AGAP1: variants seen among roughly 807,000 people sequenced by gnomAD.
AGAP1 encodes arf-GAP with GTPase, ANK repeat and PH domain-containing protein 1.
In AGAP1, 29 loss-of-function variants were observed where a neutral mutation model predicts 105.3. The ratio of observed to expected loss-of-function variants is 0.28; its 90% CI spans 0.21 to 0.38. AGAP1 has a LOEUF of 0.38. Among genes scored for constraint, AGAP1 ranks in the 10% least tolerant of loss-of-function variants. AGAP1 has a pLI of 1.00. For synonymous variants in AGAP1, 509 were observed against 485.9 expected, an observed-to-expected ratio of 1.05 and a Z score of -0.63; for missense variants, 998 against 1,165.1, an observed-to-expected ratio of 0.86 and a Z score of 2.09.
intron 16 of AGAP1, among the ~76,000 whole-genome samples, chr2:236,094,686 T>G (rs1443100396): frequency 6.6e-6 from 1 of 152,044 alleles, no homozygotes; most frequent in African/African-American, 2.4e-5. Flanking sequence ...CAAACGCAGA[T>G]GTTCATTTAT....
intron 6 of AGAP1, among the ~76,000 whole-genome samples, chr2:235,778,012 C>G (rs1575432466): frequency 6.6e-6 from 1 of 152,168 alleles, no homozygotes; most frequent in Non-Finnish European, 1.5e-5. Context: ...GATCTCATAT[C>G]TGTGTGTTTC....
chr2:235,768,428 A>C (rs373275721), intron 6 of AGAP1, among the ~76,000 whole-genome samples: 4 of 152,386 alleles, frequency 2.6e-5, no homozygotes, highest in African/African-American at 9.6e-5. Context: ...TACTACTTTC[A>C]GTATATAGAG....
At chr2:235,814,461 T>C (rs1310005747) in intron 9 of AGAP1, among the ~76,000 whole-genome samples, 1 of 152,240 alleles carries the variant, frequency 6.6e-6, no homozygotes, top group Non-Finnish European at 1.5e-5. Flanking sequence ...AGATACTTAT[T>C]TCTGGAATTA....
In AGAP1 at chr2:236,046,126, A is replaced by G. The variant is rs2125699520; in HGVS notation, c.1892-2933A>G. 2.3e-6 allele frequency: 1 copy of G among 431,572 alleles called. No homozygotes were observed. The highest frequency in any genetic ancestry group is 4.9e-6 in the Non-Finnish European group (1 of 203,876). The allele number at this position is 431,572 out of a possible 1,614,324, so 26.7% of individuals were successfully genotyped here. A position where few individuals can be genotyped will look rare whatever the true frequency, so the allele number is the denominator to read the frequency against. Reference sequence around the variant, plus strand: ...CGGCATGGAGGGCGGTGGGGTGGGCATAGGAACCAAATCGGAGGTTCTGGT... The same window carrying G: ...CGGCATGGAGGGCGGTGGGGTGGGCGTAGGAACCAAATCGGAGGTTCTGGT... On this transcript the variant is annotated intron_variant, in intron 15 of 17. Coordinates refer to ENST00000304032, the MANE Select transcript of AGAP1 (RefSeq NM_001037131.3). This position sits in a 1 kb window ranked among gnomAD's most constrained non-coding sequence, Gnocchi z 5.2.
Position 235,752,337 on chromosome 2 carries a change from C to T in AGAP1, c.673+1849C>T, listed in dbSNP as rs1953515722. 6.6e-6 allele frequency among the ~76,000 whole-genome samples: 1 copy of T among 151,956 alleles called. No homozygotes were observed. Among genetic ancestry groups the T allele is most frequent in the Admixed American group, 6.5e-5 (1 of 15,272 alleles). Reference sequence around the variant, plus strand: ...GAATTACAGGTACACGCTGCCACACCTGGCTAATTTTTTGCATTTTAGTAG... The same window carrying T: ...GAATTACAGGTACACGCTGCCACACTTGGCTAATTTTTTGCATTTTAGTAG... On this transcript the variant is annotated intron_variant, in intron 6 of 17. Coordinates refer to ENST00000304032, the MANE Select transcript of AGAP1 (RefSeq NM_001037131.3). This position sits in a 1 kb window ranked among gnomAD's most constrained non-coding sequence, Gnocchi z 4.3.
chr2:235,677,082 A>G (rs1339730386), intron 1 of AGAP1, among the ~76,000 whole-genome samples: 1 of 152,324 alleles, frequency 6.6e-6, no homozygotes, highest in South Asian at 2.1e-4. Flanking sequence ...TGTGTTTCCC[A>G]TCGTTGATAC....
rs768735633 is a variant in AGAP1, at chr2:235,908,898, C to T, written c.1316C>T (p.Pro439Leu). Residue 439 changes from proline to leucine, a missense_variant, in exon 11 of 18, where the codon CCC becomes CTC. By Grantham distance (98) the Pro-to-Leu change is moderately conservative. Around this residue, in one of 3 missense-constraint regions of AGAP1, gnomAD observed 735 missense variants for 833.4 expected, o/e 0.88. Coordinates refer to ENST00000304032, the MANE Select transcript of AGAP1 (RefSeq NM_001037131.3). This position sits in a 1 kb window ranked among gnomAD's most constrained non-coding sequence, Gnocchi z 4.4. ...GACATGAGCAGTTTACACATCTCAC[C>T]CAATTCAGGTAAGCTTACAGCAAAT... ...SKDMSSLHIS[P>L]NSGNVTSASG... 5 of 1,610,820 alleles carry T rather than the reference C, an allele frequency of 3.1e-6. No homozygotes were observed. The South Asian group carries it at 4.4e-5, about 14-fold the overall frequency.
At position 235,552,797 on chromosome 2, in the gene AGAP1, T is replaced by A. The variant is rs1943855172; in HGVS notation, c.163+57948T>A. 6.6e-6 allele frequency among the ~76,000 whole-genome samples: 1 copy of A among 152,168 alleles called. No homozygotes were observed. The highest frequency in any genetic ancestry group is 2.4e-5 in the African/African-American group (1 of 41,450). On this transcript the variant is annotated intron_variant, in intron 1 of 17. Coordinates refer to ENST00000304032, the MANE Select transcript of AGAP1 (RefSeq NM_001037131.3). This position sits in a 1 kb window ranked among gnomAD's most constrained non-coding sequence, Gnocchi z 5.9. ...GAGTTTCAGAAAGCCAGCTGCAGAATGCAGTGCCTGACAGAGTGTGATGGG... is the reference window on the plus strand; with the variant it reads ...GAGTTTCAGAAAGCCAGCTGCAGAAAGCAGTGCCTGACAGAGTGTGATGGG...
chr2:235,839,549 C>G (rs1960561077), intron 9 of AGAP1, among the ~76,000 whole-genome samples: 1 of 152,206 alleles, frequency 6.6e-6, no homozygotes. Context: ...GATCGCACTG[C>G]TGCACTCCAG....
intron 1 of AGAP1, among the ~76,000 whole-genome samples, chr2:235,648,191 A>G (rs1310905237): frequency 2.6e-5 from 4 of 152,072 alleles, no homozygotes; most frequent in Non-Finnish European, 5.9e-5. Context: ...CTCTTCTGAG[A>G]CCTTCTGGTT....
chr2:235,751,193 G>A lies in AGAP1; in HGVS notation c.673+705G>A, dbSNP rs1047175247. The stretch of plus-strand genomic sequence containing the variant: ...CAGATGCGTGGGGTGGGCGGGAGAG[G>A]TGGCGTCACCCTGGGGATAGGAGGG... On this transcript the variant is annotated intron_variant, in intron 6 of 17. Coordinates refer to ENST00000304032, the MANE Select transcript of AGAP1 (RefSeq NM_001037131.3). This position sits in a 1 kb window ranked among gnomAD's most constrained non-coding sequence, Gnocchi z 5.3. Among the ~76,000 whole-genome samples the A allele has an allele frequency of 6.6e-6, 1 of 152,084 alleles. No individual in the cohort carries two copies. The highest frequency in any genetic ancestry group is 1.5e-5 in the Non-Finnish European group (1 of 68,010).
At chr2:235,527,509 T>C (rs1168393770) in intron 1 of AGAP1, among the ~76,000 whole-genome samples, 1 of 152,220 alleles carries the variant, frequency 6.6e-6, no homozygotes, top group Non-Finnish European at 1.5e-5. Context: ...TAGCTGGGAC[T>C]ACAGGTGTGC....
chr2:236,116,345 GTTAA>G (rs1011153797), intron 16 of AGAP1, among the ~76,000 whole-genome samples: 36 of 116,692 alleles, frequency 3.1e-4, no homozygotes, highest in African/African-American at 1.1e-3. Flanking sequence ...GTGGTATTTG[GTTAA>G]TTAAGTTCTT....
intron 1 of AGAP1, among the ~76,000 whole-genome samples, chr2:235,516,590 C>T (rs541624072): frequency 4.8e-4 from 73 of 152,238 alleles, no homozygotes; most frequent in Non-Finnish European, 9.0e-4. Context: ...TAGTTCATGC[C>T]GCCCGTATTC....
At chr2:235,717,258 A>G (rs1951163295) in intron 2 of AGAP1, among the ~76,000 whole-genome samples, 1 of 152,212 alleles carries the variant, frequency 6.6e-6, no homozygotes, top group African/African-American at 2.4e-5. Context: ...AACTCAAGGA[A>G]CACAGCCCTG....
rs150924250 is a variant in AGAP1, at chr2:235,667,372, T to G, written c.164-41807T>G. Among the ~76,000 whole-genome samples the G allele has an allele frequency of 5.9e-4, 90 of 152,308 alleles. 1 individual carries two copies. The highest frequency in any genetic ancestry group is 2.0e-3 in the African/African-American group (85 of 41,568). On this transcript the variant is annotated intron_variant, in intron 1 of 17. Transcript: ENST00000304032. ...GAAATGTCAAGGTAACATTTACATT[T>G]GATTTGTGTGGAGTTCAGTAATATT...
At chr2:235,928,920 C>T (rs552553733) in intron 11 of AGAP1, among the ~76,000 whole-genome samples, 1 of 152,208 alleles carries the variant, frequency 6.6e-6, no homozygotes. Flanking sequence ...TGCTGTGAGG[C>T]CTGGTGCAAG....
chr2:235,500,631 C>T (rs759191019), intron 1 of AGAP1, among the ~76,000 whole-genome samples: 8 of 152,176 alleles, frequency 5.3e-5, no homozygotes, highest in Non-Finnish European at 7.3e-5. Flanking sequence ...CTTGTGGTCA[C>T]GCAGGCTAAG....
At chr2:235,831,263 C>G (rs1407007390) in intron 9 of AGAP1, among the ~76,000 whole-genome samples, 1 of 151,878 alleles carries the variant, frequency 6.6e-6, no homozygotes, top group African/African-American at 2.4e-5. Flanking sequence ...GAAGGACACC[C>G]ACAGCCTCCG....
Sources: gnomAD v4.1 joint callset for allele counts (sites outside exome capture counted in the v4.1 genomes callset) on GRCh38, gnomAD v4.1.1 for gene constraint, gnomAD v4.1.1 regional missense constraint, Gnocchi (gnomAD v3.1) non-coding constraint, MANE v1.5 for transcripts, NCBI Gene and HGNC (gene_info 2026-07-23, HGNC 2026-07-21) for gene names.